Variants in BICC1 observed in about 807,000 individuals in gnomAD.
BICC1 encodes BicC family RNA binding protein 1.
BICC1 carries 43 observed loss-of-function variants against 111.0 expected under a neutral mutation model. The ratio of observed to expected loss-of-function variants is 0.39; its 90% CI spans 0.30 to 0.50. The LOEUF (loss-of-function observed/expected upper bound fraction) is 0.50. Among genes scored for constraint, BICC1 ranks in the 20% least tolerant of loss-of-function variants. BICC1 has a pLI of 0.88. For synonymous variants in BICC1, 467 were observed against 434.4 expected (o/e 1.07, Z -0.93); for missense variants, 1,091 against 1,203.2 (o/e 0.91, Z 1.38).
At chr10:58,736,944 A>AT (rs1489714489) in intron 3 of BICC1, among the ~76,000 whole-genome samples, 1 of 151,956 alleles carries the variant, frequency 6.6e-6, no homozygotes, top group African/African-American at 2.4e-5. Context: ...ATTTTATTTT[A>AT]TTTTTTTGTC....
chr10:58,590,722 G>A (rs1482628886), intron 1 of BICC1, among the ~76,000 whole-genome samples: 22 of 152,094 alleles, frequency 1.4e-4, no homozygotes, highest in Admixed American at 1.1e-3. Flanking sequence ...TAGTGAAAGT[G>A]GCTTCACTTA....
chr10:58,557,269 T>C (rs1843475739), intron 1 of BICC1, among the ~76,000 whole-genome samples: 1 of 152,092 alleles, frequency 6.6e-6, no homozygotes, highest in Non-Finnish European at 1.5e-5. Flanking sequence ...AGATAATGTG[T>C]ATTTTTTTTC....
At chr10:58,818,892 A>G (rs1034726122) in intron 19 of BICC1, among the ~76,000 whole-genome samples, 4 of 152,178 alleles carry the variant, frequency 2.6e-5, no homozygotes, top group East Asian at 1.9e-4. Flanking sequence ...TGTTAATTCA[A>G]TGATATTCTG....
intron 2 of BICC1, among the ~76,000 whole-genome samples, chr10:58,671,890 C>T (rs967157970): frequency 6.6e-6 from 1 of 152,126 alleles, no homozygotes; most frequent in African/African-American, 2.4e-5. Flanking sequence ...TTCTCATCAG[C>T]ATTCAATTCT....
intron 2 of BICC1, among the ~76,000 whole-genome samples, chr10:58,624,648 C>T (rs1308178057): frequency 1.3e-5 from 2 of 152,086 alleles, no homozygotes; most frequent in African/African-American, 2.4e-5. Flanking sequence ...GGCTGGAGTA[C>T]ACTGGCGTGA....
intron 1 of BICC1, among the ~76,000 whole-genome samples, chr10:58,576,560 C>G (rs1844119163): frequency 6.6e-6 from 1 of 152,184 alleles, no homozygotes; most frequent in Non-Finnish European, 1.5e-5. Context: ...GGAATTTTAG[C>G]TGTCTTACTT....
chr10:58,730,219 A>G (rs938932058), intron 3 of BICC1, among the ~76,000 whole-genome samples: 2 of 152,216 alleles, frequency 1.3e-5, no homozygotes, highest in Non-Finnish European at 2.9e-5. Flanking sequence ...TACAGGCACT[A>G]TGCAAGTCAG....
intron 2 of BICC1, chr10:58,650,614 C>T (rs1446359404): frequency 2.0e-5 from 3 of 152,156 alleles, no homozygotes; most frequent in Admixed American, 2.0e-4. Context: ...ATTCATGGCT[C>T]AAATGGGGCT....
intron 20 of BICC1, among the ~76,000 whole-genome samples, chr10:58,824,547 C>CTGGTCATA (rs1844341482): frequency 1.3e-5 from 2 of 152,116 alleles, no homozygotes; most frequent in Non-Finnish European, 2.9e-5. Context: ...AGGAGTGTGT[C>CTGGTCATA]TGGTCATATG....
chr10:58,679,221 C>T (rs972695364), intron 2 of BICC1, among the ~76,000 whole-genome samples: 5 of 151,888 alleles, frequency 3.3e-5, no homozygotes, highest in African/African-American at 4.8e-5. Flanking sequence ...CACTAAAAAC[C>T]CTTAAAAAAA....
At chr10:58,614,156 G>C (rs1261320308) in intron 1 of BICC1, among the ~76,000 whole-genome samples, 1 of 152,158 alleles carries the variant, frequency 6.6e-6, no homozygotes, top group Non-Finnish European at 1.5e-5. Flanking sequence ...TTTGGGGGAA[G>C]AGAAGAAGAC....
At chr10:58,678,875 A>G (rs957410492) in intron 2 of BICC1, among the ~76,000 whole-genome samples, 1 of 152,242 alleles carries the variant, frequency 6.6e-6, no homozygotes, top group Admixed American at 6.5e-5. Context: ...ACTTAGGATT[A>G]AGAAACTCAC....
chr10:58,757,832 G>A (rs1435603958), intron 3 of BICC1, among the ~76,000 whole-genome samples: 2 of 152,192 alleles, frequency 1.3e-5, no homozygotes, highest in Non-Finnish European at 2.9e-5. Context: ...ACTCAGATCA[G>A]CTGTGTACAG....
chr10:58,550,049 T>G (rs893157096), intron 1 of BICC1, among the ~76,000 whole-genome samples: 1 of 152,070 alleles, frequency 6.6e-6, no homozygotes, highest in Non-Finnish European at 1.5e-5. Context: ...AGGGTCTTGC[T>G]CTATCACCTT....
intron 1 of BICC1, among the ~76,000 whole-genome samples, chr10:58,574,300 T>C (rs1844045765): frequency 6.6e-6 from 1 of 152,160 alleles, no homozygotes; most frequent in Admixed American, 6.6e-5. Context: ...AGGAACATTT[T>C]TGTGGTTGAT....
intron 2 of BICC1, among the ~76,000 whole-genome samples, chr10:58,698,971 G>C (rs1404322808): frequency 1.3e-5 from 2 of 152,212 alleles, no homozygotes; most frequent in Non-Finnish European, 2.9e-5. Flanking sequence ...AAAGGCATCT[G>C]GCCAGAGCTC....
At chr10:58,769,580 A>G (rs111710765) in intron 3 of BICC1, among the ~76,000 whole-genome samples, 201 of 151,596 alleles carry the variant, frequency 1.3e-3, no homozygotes, top group African/African-American at 4.7e-3. Context: ...CATTTCCCAT[A>G]TATTGTTTGA....
intron 1 of BICC1, among the ~76,000 whole-genome samples, chr10:58,513,743 C>T (rs1385480062): frequency 6.6e-6 from 1 of 152,230 alleles, no homozygotes; most frequent in Non-Finnish European, 1.5e-5. Context: ...CTCTCTCCGT[C>T]TGTTTCACTC....
At chr10:58,574,815 T>C (rs4948522) in intron 1 of BICC1, among the ~76,000 whole-genome samples, 55,261 of 151,906 alleles carry the variant, frequency 0.36, 11,279 homozygotes, top group Admixed American at 0.56. Flanking sequence ...AGATGAATGA[T>C]ATTGTTTTAC....
Sources: gnomAD v4.1 joint callset for allele counts (sites outside exome capture counted in the v4.1 genomes callset) on GRCh38, gnomAD v4.1.1 for gene constraint, MANE v1.5 for transcripts, NCBI Gene and HGNC (gene_info 2026-07-23, HGNC 2026-07-21) for gene names.